Variants in CSMD1 observed in about 807,000 individuals in gnomAD.
CSMD1 encodes CUB and sushi domain-containing protein 1.
A neutral mutation model predicts 417.5 loss-of-function variants in CSMD1; 213 were observed. The ratio of observed to expected loss-of-function variants is 0.51; its 90% CI spans 0.46 to 0.57. The LOEUF is 0.57. Among genes scored for constraint, CSMD1 ranks in the 20% least tolerant of loss-of-function variants. The pLI is 0.00. For synonymous variants in CSMD1, 2,862 were observed against 1,736.8 expected (o/e 1.65, Z -16.11); for missense variants, 6,923 against 4,529.7 (o/e 1.53, Z -15.17).
intron 3 of CSMD1, among the ~76,000 whole-genome samples, chr8:4,088,837 A>C (rs536518835): frequency 4.6e-5 from 7 of 152,050 alleles, no homozygotes; most frequent in Non-Finnish European, 8.8e-5. Flanking sequence ...TCCCTCTGGA[A>C]TCACTAGTCT....
chr8:3,902,536 A>T (rs1021022800), intron 5 of CSMD1, among the ~76,000 whole-genome samples: 1 of 152,094 alleles, frequency 6.6e-6, no homozygotes, highest in African/African-American at 2.4e-5. Flanking sequence ...GATTCTCACA[A>T]GGAGCTCACA....
At chr8:4,933,149 T>C in intron 1 of CSMD1, among the ~76,000 whole-genome samples, 1 of 152,296 alleles carries the variant, frequency 6.6e-6, no homozygotes, top group Middle Eastern at 3.4e-3. Context: ...ATGTTTTTCT[T>C]TTTTACTTTT....
intron 6 of CSMD1, among the ~76,000 whole-genome samples, chr8:3,712,463 G>C (rs892411395): frequency 1.1e-4 from 16 of 151,982 alleles, no homozygotes; most frequent in African/African-American, 3.4e-4. Flanking sequence ...AGAAACTAGA[G>C]CTGCAGGAAT....
intron 10 of CSMD1, among the ~76,000 whole-genome samples, chr8:3,567,874 T>A (rs1276564671): frequency 9.9e-5 from 15 of 152,244 alleles, no homozygotes; most frequent in Admixed American, 9.2e-4. Flanking sequence ...GGACTCCTTA[T>A]CCTCATCACT....
At chr8:3,202,219 C>G (rs1227584297) in intron 31 of CSMD1, among the ~76,000 whole-genome samples, 1 of 152,146 alleles carries the variant, frequency 6.6e-6, no homozygotes. Flanking sequence ...AAATATTTAG[C>G]AACACTTTAT....
intron 18 of CSMD1, among the ~76,000 whole-genome samples, chr8:3,371,554 C>G (rs1182526601): frequency 3.3e-5 from 5 of 151,486 alleles, no homozygotes; most frequent in African/African-American, 1.2e-4. Context: ...GTAAGATGAA[C>G]TATCATGAAG....
intron 6 of CSMD1, among the ~76,000 whole-genome samples, chr8:3,729,291 G>A (rs1012890935): frequency 3.9e-5 from 6 of 152,126 alleles, no homozygotes; most frequent in South Asian, 2.1e-4. Flanking sequence ...CCTGGCACAG[G>A]GCTCGTGCAG....
chr8:4,711,377 T>A (rs1808286188), intron 1 of CSMD1, among the ~76,000 whole-genome samples: 1 of 152,180 alleles, frequency 6.6e-6, no homozygotes, highest in African/African-American at 2.4e-5. Flanking sequence ...AAATTAATGT[T>A]AAATTGCATA....
intron 5 of CSMD1, among the ~76,000 whole-genome samples, chr8:3,921,483 G>C (rs949333969): frequency 1.7e-4 from 26 of 151,970 alleles, no homozygotes; most frequent in African/African-American, 4.3e-4. Flanking sequence ...TGTAAAGTTA[G>C]GTTGCTTATA....
At chr8:4,755,163 G>A (rs897776086) in intron 1 of CSMD1, among the ~76,000 whole-genome samples, 2 of 152,030 alleles carry the variant, frequency 1.3e-5, no homozygotes, top group South Asian at 2.1e-4. Context: ...ATAAGCAAAA[G>A]CAAAGTCATA....
chr8:3,662,512 G>C (rs186387170), intron 7 of CSMD1, among the ~76,000 whole-genome samples: 1 of 152,192 alleles, frequency 6.6e-6, no homozygotes, highest in Non-Finnish European at 1.5e-5. Context: ...GTGTGCATGT[G>C]TCTTTATAGT....
chr8:4,254,940 C>G (rs1803350846), intron 3 of CSMD1, among the ~76,000 whole-genome samples: 1 of 152,212 alleles, frequency 6.6e-6, no homozygotes, highest in Admixed American at 6.5e-5. Flanking sequence ...CTAATCAACA[C>G]ATGACTGGAG....
At chr8:3,074,972 T>G (rs945149086) in intron 49 of CSMD1, among the ~76,000 whole-genome samples, 1 of 152,164 alleles carries the variant, frequency 6.6e-6, no homozygotes, top group Non-Finnish European at 1.5e-5. Context: ...GGGGCCGGAT[T>G]TCTCATGAAT....
intron 5 of CSMD1, among the ~76,000 whole-genome samples, chr8:3,823,315 G>A (rs1282119869): frequency 6.6e-6 from 1 of 152,118 alleles, no homozygotes; most frequent in Non-Finnish European, 1.5e-5. Flanking sequence ...ACCATCTTCT[G>A]GGTGCATGTG....
intron 16 of CSMD1, among the ~76,000 whole-genome samples, chr8:3,399,053 G>A (rs1181173328): frequency 6.6e-6 from 1 of 152,066 alleles, no homozygotes; most frequent in Non-Finnish European, 1.5e-5. Context: ...AGGGACCATG[G>A]GACCCAGAGT....
chr8:3,218,368 TG>T (rs1167750703), intron 29 of CSMD1, among the ~76,000 whole-genome samples: 2 of 151,596 alleles, frequency 1.3e-5, no homozygotes, highest in Non-Finnish European at 2.9e-5. Context: ...GAGATCATCC[TG>T]GCTAACACTG....
intron 10 of CSMD1, among the ~76,000 whole-genome samples, chr8:3,500,790 A>C (rs890187802): frequency 6.6e-6 from 1 of 152,188 alleles, no homozygotes; most frequent in Non-Finnish European, 1.5e-5. Flanking sequence ...AGTTGTAGGC[A>C]TGGAAGAAGC....
intron 5 of CSMD1, among the ~76,000 whole-genome samples, chr8:3,905,309 A>C (rs1808041823): frequency 6.6e-6 from 1 of 152,238 alleles, no homozygotes; most frequent in Admixed American, 6.5e-5. Flanking sequence ...AAAGAAGGTT[A>C]GTGACAGGTA....
intron 11 of CSMD1, among the ~76,000 whole-genome samples, chr8:3,484,776 G>C (rs1054482303): frequency 2.0e-4 from 31 of 152,302 alleles, no homozygotes; most frequent in African/African-American, 6.5e-4. Flanking sequence ...AAAAGACTTA[G>C]ACATTTTGCC....
Sources: gnomAD v4.1 joint callset for allele counts (sites outside exome capture counted in the v4.1 genomes callset) on GRCh38, gnomAD v4.1.1 for gene constraint, MANE v1.5 for transcripts, NCBI Gene and HGNC (gene_info 2026-07-23, HGNC 2026-07-21) for gene names.